The following RUFY2 variants were observed in gnomAD, a reference collection of about 807,000 sequenced individuals.
RUFY2 encodes the protein RUN and FYVE domain-containing protein 2.
RUFY2 carries 49 observed loss-of-function variants against 94.4 expected under a neutral mutation model. That is an observed-to-expected ratio of 0.52 (90% CI 0.41 to 0.66). The LOEUF (loss-of-function observed/expected upper bound fraction) is 0.66, where lower values mean the gene tolerates loss of function less well. RUFY2 is among the 30% of genes least tolerant of loss of function. The probability of loss-of-function intolerance (pLI) is 0.00; values close to 1 mark genes in which losing one functional copy is unlikely to be tolerated. For synonymous variants in RUFY2, 255 were observed against 235.7 expected, an observed-to-expected ratio of 1.08 and a Z score of -0.75; for missense variants, 541 against 692.8, an observed-to-expected ratio of 0.78 and a Z score of 2.46.
At chr10:68,384,308 G>A (rs2049315311) in intron 8 of RUFY2, among the ~76,000 whole-genome samples, 156 bp from the exon 9 acceptor site, 1 of 152,176 alleles carries the variant, frequency 6.6e-6, no homozygotes. Context: ...AAACACGCTC[G>A]TTATTATCCC....
At chr10:68,400,937 C>T (rs969279789) in intron 3 of RUFY2, among the ~76,000 whole-genome samples, 12 of 152,010 alleles carry the variant, frequency 7.9e-5, no homozygotes, top group East Asian at 1.9e-4. Context: ...GGGGTGAACC[C>T]GGGAGGTGGA....
intron 2 of RUFY2, among the ~76,000 whole-genome samples, chr10:68,404,394 T>G (rs1228144965): frequency 2.0e-5 from 3 of 152,190 alleles, no homozygotes; most frequent in Non-Finnish European, 4.4e-5. Context: ...ACTCTATAAT[T>G]GTCCTAGAAA....
At chr10:68,346,683 G>A (rs1482291358) in intron 16 of RUFY2, 1 of 151,956 alleles carries the variant, frequency 6.6e-6, no homozygotes, top group Admixed American at 6.6e-5. Context: ...ATATTTATGG[G>A]GTACATGAGA....
chr10:68,341,284 C>T (rs754506337), downstream of RUFY2: 25 of 1,602,816 alleles, frequency 1.6e-5, no homozygotes, highest in Non-Finnish European at 2.1e-5. Flanking sequence ...CAGTAGCTGC[C>T]ATGTCTAAAG....
chr10:68,349,462 A>G lies in RUFY2; in HGVS notation c.1600-3378T>C, dbSNP rs916376223. Among the ~76,000 whole-genome samples, 4 of 152,114 alleles carry G rather than the reference A, an allele frequency of 2.6e-5. No homozygotes were observed. The South Asian group carries it at 8.3e-4, about 32-fold the overall frequency. On this transcript the variant is annotated intron_variant, in intron 16 of 17. Transcript: ENST00000602465. ...CTTGAACCCAGAAGTTCAAGGTTACAGTGAGCTATGATGGAGTCACTACAC... is the reference window on the plus strand; with the variant it reads ...CTTGAACCCAGAAGTTCAAGGTTACGGTGAGCTATGATGGAGTCACTACAC...
At chr10:68,343,218 T>C (rs1221403629), downstream of RUFY2, 1 of 152,182 alleles carries the variant, frequency 6.6e-6, no homozygotes, top group African/African-American at 2.4e-5. Context: ...CTAGAATGCT[T>C]TGTGTCAGTT....
At chr10:68,351,592 G>A (rs991703593) in intron 16 of RUFY2, among the ~76,000 whole-genome samples, 3 of 151,298 alleles carry the variant, frequency 2.0e-5, no homozygotes, top group African/African-American at 7.3e-5. Flanking sequence ...TGGGACTACA[G>A]GTGCGTGCCA....
intron 3 of RUFY2, among the ~76,000 whole-genome samples, chr10:68,399,711 A>G (rs2050667867): frequency 6.6e-6 from 1 of 152,270 alleles, no homozygotes; most frequent in Non-Finnish European, 1.5e-5. Context: ...GCTTAATGCA[A>G]AAAAAGTTAT....
At chr10:68,378,429 A>G in intron 12 of RUFY2, 1 of 1,282,596 alleles carries the variant, frequency 7.8e-7, no homozygotes, top group East Asian at 3.0e-5. Context: ...TTACCACAGC[A>G]GCTGACCAAG....
chr10:68,342,074 CA>C (rs1189439702), downstream of RUFY2: 3 of 1,573,672 alleles, frequency 1.9e-6, no homozygotes, highest in East Asian at 2.2e-5. Context: ...CACCAACATA[CA>C]AGTCTTGACA....
chr10:68,371,005 AC>A (rs1316796748), intron 13 of RUFY2, among the ~76,000 whole-genome samples: 5 of 151,640 alleles, frequency 3.3e-5, no homozygotes, highest in African/African-American at 1.2e-4. Flanking sequence ...GGTGACGGGC[AC>A]CTGTAGTCCC....
chr10:68,349,863 T>C (rs2046546188), intron 16 of RUFY2, among the ~76,000 whole-genome samples: 2 of 151,308 alleles, frequency 1.3e-5, no homozygotes, highest in South Asian at 4.2e-4. Flanking sequence ...AATAATAATA[T>C]CAAAGACAAA....
intron 11 of RUFY2, 104 bp downstream of exon 11, chr10:68,381,128 A>T: frequency 1.3e-6 from 1 of 763,324 alleles, no homozygotes; most frequent in South Asian, 2.2e-5. Flanking sequence ...CCTTTATAAT[A>T]TTGCACAGTT....
At chr10:68,380,083 C>T (rs1323032454) in intron 11 of RUFY2, among the ~76,000 whole-genome samples, 1 of 151,426 alleles carries the variant, frequency 6.6e-6, no homozygotes, top group Non-Finnish European at 1.5e-5. Flanking sequence ...GCTGGGATTA[C>T]AGGCATGAGC....
At chr10:68,375,692 C>T (rs2048584454) in intron 13 of RUFY2, among the ~76,000 whole-genome samples, 2 of 151,062 alleles carry the variant, frequency 1.3e-5, no homozygotes, top group South Asian at 2.1e-4. Flanking sequence ...AGGAGAATGG[C>T]GTGAACCCGG....
chr10:68,344,671 T>G lies in RUFY2; in HGVS notation c.*1097A>C, dbSNP rs146015426. ...TGCACTCCAGCCTAGGCAACAAGAG[T>G]GAAACTCCATCTCGAAAAAAAAAGA... On this transcript the variant is annotated 3_prime_UTR_variant, in exon 18 of 18. Coordinates refer to ENST00000602465, the MANE Select transcript of RUFY2 (RefSeq NM_001330103.2). 5.3e-4 allele frequency: 81 copies of G among 151,766 alleles called. No individual in the cohort carries two copies. Among genetic ancestry groups the G allele is most frequent in the African/African-American group, 1.9e-3 (78 of 41,224 alleles). The allele number at this position is 151,766 out of a possible 1,614,324, so 9.4% of individuals were successfully genotyped here.
At chr10:68,401,851 T>G in intron 2 of RUFY2, 114 bp from the exon 3 acceptor site, 4 of 684,180 alleles carry the variant, frequency 5.8e-6, no homozygotes, top group Non-Finnish European at 5.1e-6. Context: ...TCAGAGATCT[T>G]TCCTCTTTTA....
At chr10:68,353,567 A>G (rs2046844918) in intron 16 of RUFY2, among the ~76,000 whole-genome samples, 1 of 152,018 alleles carries the variant, frequency 6.6e-6, no homozygotes, top group Non-Finnish European at 1.5e-5. Context: ...TAGGAGGCCA[A>G]GACTGGAGGA....
intron 1 of RUFY2, among the ~76,000 whole-genome samples, chr10:68,406,450 C>T (rs1000851902): frequency 1.8e-4 from 28 of 152,196 alleles, no homozygotes; most frequent in African/African-American, 6.8e-4. Flanking sequence ...TAATTCCTAA[C>T]GTGCGATGCG....
Sources: allele counts gnomAD v4.1 joint callset (sites outside exome capture counted in the v4.1 genomes callset), GRCh38; gene constraint gnomAD v4.1.1; transcripts MANE v1.5; gene names NCBI Gene and HGNC (gene_info 2026-07-23, HGNC 2026-07-21).